Variants in SPATA31F1 observed in about 807,000 individuals in gnomAD.
The protein encoded by SPATA31F1 is protein SPATA31F1.
the SPATA31F1 span, chr9:34,723,488 G>A: frequency 6.4e-7 from 1 of 1,551,812 alleles, no homozygotes; most frequent in Non-Finnish European, 8.7e-7. Context: ...CAGGCTCTTT[G>A]CAACATTTTC....
At chr9:34,726,162 A>G in the SPATA31F1 span, 12 of 1,259,356 alleles carry the variant, frequency 9.5e-6, 1 homozygote, top group South Asian at 5.6e-5. Context: ...CATGAACACC[A>G]GGTCTGGAGG....
the SPATA31F1 span, chr9:34,728,184 A>G: frequency 1.9e-6 from 2 of 1,074,338 alleles, no homozygotes; most frequent in Admixed American, 2.6e-5. Flanking sequence ...AGAAAAGACT[A>G]CAATCCTGAA....
the SPATA31F1 span, chr9:34,728,084 T>G: frequency 3.2e-6 from 5 of 1,551,888 alleles, no homozygotes; most frequent in Non-Finnish European, 4.4e-6. Context: ...GTCTCCTAGC[T>G]GAGGAACGGG....
chr9:34,725,075 A>G, the SPATA31F1 span: 8 of 1,551,636 alleles, frequency 5.2e-6, no homozygotes, highest in Admixed American at 9.8e-5. Flanking sequence ...CTGCAGTTCC[A>G]GGAACTGGCT....
the SPATA31F1 span, chr9:34,726,874 G>A: frequency 6.4e-7 from 1 of 1,551,794 alleles, no homozygotes; most frequent in Non-Finnish European, 8.7e-7. Context: ...AGATCTGGTT[G>A]TTCTCACCCA....
chr9:34,726,733 G>T, the SPATA31F1 span: 14 of 1,551,558 alleles, frequency 9.0e-6, no homozygotes, highest in Non-Finnish European at 1.2e-5. Flanking sequence ...ACAGTGTTGG[G>T]GTTACAGATG....
chr9:34,727,284 A>G, the SPATA31F1 span, among the ~76,000 whole-genome samples: 1 of 152,198 alleles, frequency 6.6e-6, no homozygotes, highest in Non-Finnish European at 1.5e-5. Flanking sequence ...TGAAAAGCTG[A>G]ACTAGGAGAA....
chr9:34,728,171 T>C, the SPATA31F1 span: 1 of 1,208,364 alleles, frequency 8.3e-7, no homozygotes, highest in Admixed American at 2.5e-5. Context: ...TTGACTCTCA[T>C]CAAGAAAAGA....
the SPATA31F1 span, chr9:34,729,201 G>T: frequency 1.4e-6 from 2 of 1,439,360 alleles, no homozygotes; most frequent in Non-Finnish European, 1.8e-6. Context: ...AAATTCTGGG[G>T]TGGGGATTAT....
the SPATA31F1 span, chr9:34,723,300 A>G: frequency 2.5e-5 from 39 of 1,551,476 alleles, no homozygotes; most frequent in Non-Finnish European, 3.1e-5. Flanking sequence ...TGGCGGGGGT[A>G]GCCCAGGGCT....
the SPATA31F1 span, chr9:34,725,126 G>A: frequency 1.3e-6 from 2 of 1,549,966 alleles, no homozygotes; most frequent in Non-Finnish European, 1.7e-6. Flanking sequence ...CAGGACCCCA[G>A]AAATTCTGCA....
the SPATA31F1 span, chr9:34,725,708 A>G: frequency 2.6e-6 from 4 of 1,543,580 alleles, no homozygotes; most frequent in Non-Finnish European, 3.5e-6. Flanking sequence ...CAGAAATGGG[A>G]CATTGATCTG....
At chr9:34,724,136 C>A in the SPATA31F1 span, 7 of 1,545,752 alleles carry the variant, frequency 4.5e-6, no homozygotes, top group Admixed American at 4.0e-5. Flanking sequence ...TGGGTCCTTG[C>A]TCTTGCTAGG....
the SPATA31F1 span, chr9:34,728,196 A>G: frequency 1.1e-6 from 1 of 890,534 alleles, no homozygotes; most frequent in Non-Finnish European, 1.7e-6. Flanking sequence ...AATCCTGAAA[A>G]GTCCGTACTC....
the SPATA31F1 span, chr9:34,726,760 G>T: frequency 6.4e-7 from 1 of 1,551,660 alleles, no homozygotes; most frequent in Non-Finnish European, 8.7e-7. Context: ...AAAGCTCTCT[G>T]GTGTGCCAGG....
At chr9:34,728,228 A>T in the SPATA31F1 span, 1 of 676,714 alleles carries the variant, frequency 1.5e-6, no homozygotes, top group Non-Finnish European at 2.5e-6. Context: ...TGAGTACAGC[A>T]TCGCTGTAAC....
At chr9:34,723,279 G>T in the SPATA31F1 span, 1 of 1,551,782 alleles carries the variant, frequency 6.4e-7, no homozygotes, top group Non-Finnish European at 8.7e-7. Flanking sequence ...CGAGGACAGT[G>T]ACGAGGGCAG....
chr9:34,723,792 C>T, the SPATA31F1 span: 18 of 1,551,596 alleles, frequency 1.2e-5, no homozygotes, highest in African/African-American at 1.4e-5. Flanking sequence ...GTCGCTGGTT[C>T]AAGGATGACA....
the SPATA31F1 span, chr9:34,726,765 G>T: frequency 9.7e-6 from 15 of 1,551,642 alleles, no homozygotes; most frequent in Admixed American, 2.0e-5. Context: ...TCTCTGGTGT[G>T]CCAGGAATGA....
Sources: gnomAD v4.1 joint callset for allele counts (sites outside exome capture counted in the v4.1 genomes callset) on GRCh38, gnomAD v4.1.1 for gene constraint, MANE v1.5 for transcripts, NCBI Gene and HGNC (gene_info 2026-07-23, HGNC 2026-07-21) for gene names.